Variants in BID observed in about 807,000 individuals in gnomAD.
BID encodes BH3 interacting domain death agonist, also known as BH3-interacting domain death agonist.
A neutral mutation model predicts 17.4 loss-of-function variants in BID; 19 were observed. The ratio of observed to expected loss-of-function variants is 1.09; its 90% CI spans 0.76 to 1.60. The LOEUF is 1.60. Ranked by LOEUF, BID falls within the 40% of genes most tolerant of loss-of-function variation. The probability of loss-of-function intolerance (pLI) is 0.00; values close to 1 mark genes in which losing one functional copy is unlikely to be tolerated. For missense variants in BID, 226 were observed against 256.0 expected, an observed-to-expected ratio of 0.88 and a Z score of 0.80; for synonymous variants, 108 against 102.8, an observed-to-expected ratio of 1.05 and a Z score of -0.31.
At chr22:17,749,072 T>A (rs952611424) in intron 2 of BID, among the ~76,000 whole-genome samples, 1 of 152,192 alleles carries the variant, frequency 6.6e-6, no homozygotes, top group Non-Finnish European at 1.5e-5. Flanking sequence ...GTGCTCTCCA[T>A]GCTCAGGAAC....
intron 5 of BID, among the ~76,000 whole-genome samples, chr22:17,735,932 A>C (rs1051415014): frequency 1.1e-4 from 16 of 152,018 alleles, no homozygotes; most frequent in Non-Finnish European, 2.2e-4. Flanking sequence ...CCCCCTTTAC[A>C]TGGGTGTTGG....
intron 2 of BID, 45 bp downstream of exon 2, chr22:17,750,060 G>C (rs1263938169): frequency 1.3e-6 from 2 of 1,589,278 alleles, no homozygotes; most frequent in Non-Finnish European, 1.7e-6. Flanking sequence ...CTTACCCCTC[G>C]ACCCCGCCCC....
At chr22:17,765,852 G>T (rs543114467) in intron 1 of BID, among the ~76,000 whole-genome samples, 3 of 152,254 alleles carry the variant, frequency 2.0e-5, no homozygotes, top group East Asian at 1.9e-4. Flanking sequence ...CTGAAGAAAA[G>T]ACATAGCTTT....
intron 1 of BID, among the ~76,000 whole-genome samples, chr22:17,756,924 A>G (rs1433147642): frequency 1.3e-5 from 2 of 151,414 alleles, no homozygotes; most frequent in Non-Finnish European, 3.0e-5. Context: ...TGACCTGACC[A>G]TTACATGGTG....
At chr22:17,747,009 G>A (rs761124744) in intron 2 of BID, among the ~76,000 whole-genome samples, 6 of 152,210 alleles carry the variant, frequency 3.9e-5, no homozygotes, top group Non-Finnish European at 5.9e-5. Flanking sequence ...ACAGAGCGGT[G>A]CTGCCACCAC....
intron 1 of BID, among the ~76,000 whole-genome samples, chr22:17,756,406 TTTTC>T (rs879548151): frequency 0.59 from 74,621 of 127,506 alleles, 22,677 homozygotes; most frequent in East Asian, 0.83. Flanking sequence ...TTCTTTTCTT[TTTTC>T]TCTTTCTTTC....
intron 2 of BID, among the ~76,000 whole-genome samples, chr22:17,746,070 G>A (rs12161083): frequency 6.6e-6 from 1 of 152,226 alleles, no homozygotes; most frequent in Admixed American, 6.5e-5. Flanking sequence ...GTCCTCTGCA[G>A]CAACACGGAT....
chr22:17,739,490 T>G lies in BID; in HGVS notation c.224-2A>C. The G allele has an allele frequency of 6.2e-7, 1 of 1,610,700 alleles. No homozygotes were observed. The highest frequency in any genetic ancestry group is 8.5e-7 in the Non-Finnish European group (1 of 1,179,250). ...TGATGTCTTCTTGACTTTCAGAATC[T>G]GTGTTCAGGCAGGGGCGGCAGAGAC... On this transcript the variant is annotated splice_acceptor_variant, in intron 3 of 5. Transcript: ENST00000622694. LOFTEE classifies it high-confidence loss of function.
chr22:17,762,453 G>A (rs1350415025), intron 1 of BID, among the ~76,000 whole-genome samples: 1 of 152,084 alleles, frequency 6.6e-6, no homozygotes, highest in Non-Finnish European at 1.5e-5. Flanking sequence ...CCAAGATCAG[G>A]CCACTGCACT....
chr22:17,770,739 G>A (rs2061712956), intron 1 of BID, among the ~76,000 whole-genome samples: 1 of 152,238 alleles, frequency 6.6e-6, no homozygotes, highest in South Asian at 2.1e-4. Context: ...CCAGGCCACG[G>A]CACACTTTCC....
At chr22:17,766,574 C>CAT (rs2061680244) in intron 1 of BID, among the ~76,000 whole-genome samples, 3 of 151,330 alleles carry the variant, frequency 2.0e-5, no homozygotes, top group East Asian at 2.0e-4. Context: ...AGCCACTTCG[C>CAT]GCCCAGCCTT....
chr22:17,745,346 G>C (rs963262703), intron 2 of BID, among the ~76,000 whole-genome samples: 5 of 152,106 alleles, frequency 3.3e-5, no homozygotes, highest in Non-Finnish European at 7.3e-5. Context: ...TGGGATTACA[G>C]GTGTGACCTA....
At chr22:17,754,292 GACA>G in intron 1 of BID, among the ~76,000 whole-genome samples, 1 of 152,254 alleles carries the variant, frequency 6.6e-6, no homozygotes, top group African/African-American at 2.4e-5. Flanking sequence ...TACCATCTCT[GACA>G]ACAAGGACCC....
At chr22:17,751,607 C>T (rs1030615365) in intron 1 of BID, among the ~76,000 whole-genome samples, 1 of 152,200 alleles carries the variant, frequency 6.6e-6, no homozygotes, top group African/African-American at 2.4e-5. Context: ...AGGAGAAAGC[C>T]TGTGCCCAGG....
At chr22:17,754,199 ACATTCCCCCAGTCTCCAGGACTCTGCCG>A in intron 1 of BID, among the ~76,000 whole-genome samples, 1 of 150,790 alleles carries the variant, frequency 6.6e-6, no homozygotes, top group South Asian at 2.1e-4. Context: ...GGCGGGGGTG[ACATTCCCCCAGTCTCCAGGACTCTGCCG>A]GATGGGGGTG....
rs2061412433 is a variant in BID at position 17,735,430 on chromosome 22, C to CAT, written c.*148_*149dup. ...ATTTTAAAGTGGGTTATAAGTTTAACATTGTCTTTAAAATAGAAGTCACAG... is the reference window on the plus strand; with the variant it reads ...ATTTTAAAGTGGGTTATAAGTTTAACATATTGTCTTTAAAATAGAAGTCACAG... On this transcript the variant is annotated 3_prime_UTR_variant, in exon 6 of 6. Coordinates refer to ENST00000622694, the MANE Select transcript of BID (RefSeq NM_001196.4). 2.5e-6 allele frequency: 2 copies of CAT among 813,592 alleles called. No individual in the cohort carries two copies. Among genetic ancestry groups the CAT allele is most frequent in the African/African-American group, 1.7e-5 (1 of 57,568 alleles). The allele number at this position is 813,592 out of a possible 1,614,324, so 50.4% of individuals were successfully genotyped here. A position where few individuals can be genotyped will look rare whatever the true frequency, so the allele number is the denominator to read the frequency against.
intron 1 of BID, among the ~76,000 whole-genome samples, chr22:17,768,546 C>T (rs987754879): frequency 3.9e-5 from 6 of 152,180 alleles, no homozygotes; most frequent in Non-Finnish European, 5.9e-5. Context: ...CCTCCTGGTC[C>T]GCCCCTCCCT....
intron 2 of BID, 120 bp from the exon 3 acceptor site, chr22:17,744,133 C>A: frequency 2.2e-6 from 2 of 917,750 alleles, no homozygotes; most frequent in South Asian, 3.2e-5. Context: ...CTGAGGGACC[C>A]TGTGGGCTGG....
intron 1 of BID, among the ~76,000 whole-genome samples, chr22:17,771,769 G>C (rs1213446809): frequency 6.9e-6 from 1 of 145,394 alleles, no homozygotes; most frequent in Non-Finnish European, 1.5e-5. Flanking sequence ...GTTGGGGCTG[G>C]ATGGGGCTGT....
Sources: allele counts gnomAD v4.1 joint callset (sites outside exome capture counted in the v4.1 genomes callset), GRCh38; gene constraint gnomAD v4.1.1; transcripts MANE v1.5; gene names NCBI Gene and HGNC (gene_info 2026-07-23, HGNC 2026-07-21).